Variants in C5 observed in about 807,000 individuals in gnomAD.
C5 encodes complement C5.
Under a neutral mutation model 218.8 loss-of-function variants are expected in C5, and 140 were observed. The observed-to-expected ratio is 0.64, with a 90% CI of 0.56 to 0.74. C5 has a LOEUF of 0.74. C5 is among the 30% of genes least tolerant of loss of function. C5 has a pLI of 0.00. For synonymous variants in C5, 614 were observed against 682.3 expected (o/e 0.90, Z 1.56); for missense variants, 1,700 against 1,969.6 (o/e 0.86, Z 2.59).
intron 30 of C5, among the ~76,000 whole-genome samples, chr9:120,972,864 T>C (rs1588170924): frequency 6.6e-6 from 1 of 152,208 alleles, no homozygotes; most frequent in East Asian, 1.9e-4. Flanking sequence ...TCAACATTCT[T>C]GTTCTCCCTG....
At chr9:121,019,893 G>A in intron 12 of C5, 83 bp downstream of exon 12, 1 of 862,538 alleles carries the variant, frequency 1.2e-6, no homozygotes, top group Non-Finnish European at 1.9e-6. Context: ...AAAGTATAAA[G>A]GATAATTCTA....
chr9:121,043,039 T>A lies in C5; in HGVS notation c.386A>T (p.His129Leu), dbSNP rs774850483. Residue 129 changes from histidine to leucine, a missense_variant, in exon 3 of 41, where the codon CAT becomes CTT. Transcript: ENST00000223642. ...ITYDNGFLFI[H>L]TDKPVYTPDQ... is the part of the protein sequence containing the mutation. The stretch of plus-strand genomic sequence containing the variant: ...TGGAGTATAAACAGGTTTGTCTGTA[T>A]GAATGAAGAGAAATCCATTGTCATA... 10 of 1,613,020 alleles carry A rather than the reference T, an allele frequency of 6.2e-6. No homozygotes were observed. In the African/African-American group the frequency reaches 9.3e-5, roughly 15 times the overall value.
At position 120,953,879 on chromosome 9, in the gene C5, T is replaced by C. The variant is rs41313635; in HGVS notation, c.4763-11A>G. ...CAGCAACAGCTTCCCCTGAGAGACA[T>C]GCAAGTCAAGTAAGGTTATACCATT... On this transcript the variant is annotated splice_polypyrimidine_tract_variant and intron_variant, in intron 39 of 40. Transcript: ENST00000223642. 3.5e-5 allele frequency: 57 copies of C among 1,613,774 alleles called. No individual in the cohort carries two copies. The African/African-American group carries it at 7.2e-4, about 20-fold the overall frequency.
At chr9:120,967,463 C>G (rs948471676) in intron 33 of C5, among the ~76,000 whole-genome samples, 2 of 152,080 alleles carry the variant, frequency 1.3e-5, no homozygotes, top group African/African-American at 4.8e-5. Context: ...TTGCACAACA[C>G]TATTGAATTT....
Position 121,029,232 on chromosome 9 carries a change from A to C in C5, c.758+1165T>G, listed in dbSNP as rs541123669. 4.7e-4 allele frequency among the ~76,000 whole-genome samples: 72 copies of C among 152,342 alleles called. 1 individual carries two copies. In the South Asian group the frequency reaches 0.014, roughly 30 times the overall value. ...CCCATTATAGGAGGTCAGTTTCTATAATTTTCTCTCAAGTGAGCCTTTTAT... is the reference window on the plus strand; with the variant it reads ...CCCATTATAGGAGGTCAGTTTCTATCATTTTCTCTCAAGTGAGCCTTTTAT... On this transcript the variant is annotated intron_variant, in intron 7 of 40. Transcript: ENST00000223642.
the C5 span, among the ~76,000 whole-genome samples, chr9:121,062,038 G>C: frequency 6.6e-6 from 1 of 151,728 alleles, no homozygotes; most frequent in Admixed American, 6.6e-5. Flanking sequence ...ATATGATAAG[G>C]CTCCTTGTTT....
chr9:120,953,680 T>C (rs777352661), intron 40 of C5, 50 bp downstream of exon 40: 2 of 1,579,086 alleles, frequency 1.3e-6, no homozygotes, highest in East Asian at 4.5e-5. Context: ...GAATAAATTA[T>C]ACTCAGTTTT....
chr9:121,005,417 C>T (rs1301058162), intron 20 of C5, among the ~76,000 whole-genome samples: 2 of 152,244 alleles, frequency 1.3e-5, no homozygotes, highest in Middle Eastern at 3.4e-3. Context: ...TTCAGTGATG[C>T]TACTGACCCA....
intron 39 of C5, chr9:120,956,899 G>A (rs999843025): frequency 1.8e-5 from 5 of 281,972 alleles, no homozygotes; most frequent in African/African-American, 8.8e-5. Flanking sequence ...GGTGAGGATT[G>A]AAAAATTACC....
At chr9:121,057,857 G>C in the C5 span, among the ~76,000 whole-genome samples, 1 of 152,054 alleles carries the variant, frequency 6.6e-6, no homozygotes, top group Non-Finnish European at 1.5e-5. Context: ...CTCTTGTTAT[G>C]GCATTGATTG....
At chr9:121,000,525 CA>C (rs1252297200) in intron 20 of C5, among the ~76,000 whole-genome samples, 1 of 152,112 alleles carries the variant, frequency 6.6e-6, no homozygotes, top group African/African-American at 2.4e-5. Flanking sequence ...GGCAAGATGA[CA>C]TTTTAAATCA....
chr9:121,037,624 T>TA (rs1276854549), intron 4 of C5, among the ~76,000 whole-genome samples: 3 of 152,150 alleles, frequency 2.0e-5, no homozygotes, highest in Non-Finnish European at 4.4e-5. Context: ...GGGTGTTCTT[T>TA]AAAAAATAAA....
chr9:121,038,713 G>A (rs2047551513), intron 3 of C5, among the ~76,000 whole-genome samples: 1 of 152,042 alleles, frequency 6.6e-6, no homozygotes, highest in Admixed American at 6.6e-5. Flanking sequence ...ATCATTTCAT[G>A]GCCAAAACTT....
At chr9:121,034,418 C>T (rs2047505241) in intron 5 of C5, among the ~76,000 whole-genome samples, 1 of 152,162 alleles carries the variant, frequency 6.6e-6, no homozygotes, top group African/African-American at 2.4e-5. Context: ...TGGACTTTGC[C>T]TTCTGGTAGT....
intron 32 of C5, 100 bp downstream of exon 32, chr9:120,970,070 C>CT (rs1422654888): frequency 2.4e-6 from 2 of 827,760 alleles, no homozygotes; most frequent in Non-Finnish European, 2.0e-6. Flanking sequence ...AGAAATTTCA[C>CT]TTTTTGAGTA....
upstream of C5, among the ~76,000 whole-genome samples, chr9:121,053,007 T>G (rs1273257914): frequency 6.6e-6 from 1 of 152,132 alleles, no homozygotes; most frequent in African/African-American, 2.4e-5. Context: ...ACATTGTGTT[T>G]GTTATTGTTT....
the C5 span, among the ~76,000 whole-genome samples, chr9:121,064,010 A>G: frequency 6.6e-6 from 1 of 152,248 alleles, no homozygotes; most frequent in East Asian, 1.9e-4. Flanking sequence ...GAAGAATTAT[A>G]TCACTGCTTC....
At chr9:120,957,482 G>T in intron 38 of C5, 114 bp from the exon 39 acceptor site, 2 of 770,594 alleles carry the variant, frequency 2.6e-6, no homozygotes, top group Non-Finnish European at 4.6e-6. Context: ...AACTATTATA[G>T]TTCTTATTTC....
At chr9:120,996,426 T>C in intron 21 of C5, 126 bp from the exon 22 acceptor site, 1 of 781,852 alleles carries the variant, frequency 1.3e-6, no homozygotes, top group Non-Finnish European at 2.3e-6. Context: ...GCAAACTATG[T>C]ATAAATACTT....
Sources: gnomAD v4.1 joint callset for allele counts (sites outside exome capture counted in the v4.1 genomes callset) on GRCh38, gnomAD v4.1.1 for gene constraint, MANE v1.5 for transcripts, NCBI Gene and HGNC (gene_info 2026-07-23, HGNC 2026-07-21) for gene names.